Variants in NT5M observed in about 807,000 individuals in gnomAD.
The protein encoded by NT5M is 5'(3')-deoxyribonucleotidase, mitochondrial.
A neutral mutation model predicts 22.2 loss-of-function variants in NT5M; 22 were observed. That is an observed-to-expected ratio of 0.99 (90% CI 0.71 to 1.41). NT5M has a LOEUF of 1.41. Ranked by LOEUF, NT5M falls within the 40% of genes most tolerant of loss-of-function variation. NT5M has a pLI of 0.00. For missense variants in NT5M, 322 were observed against 314.8 expected, an observed-to-expected ratio of 1.02 and a Z score of -0.17; for synonymous variants, 167 against 133.0, an observed-to-expected ratio of 1.26 and a Z score of -1.76.
intron 2 of NT5M, among the ~76,000 whole-genome samples, chr17:17,313,002 G>A (rs976902647): frequency 3.3e-5 from 5 of 152,026 alleles, no homozygotes; most frequent in African/African-American, 9.7e-5. Context: ...CCGGGTGCTG[G>A]CTCACACCTG....
At chr17:17,310,058 T>C (rs2048892495) in intron 2 of NT5M, among the ~76,000 whole-genome samples, 1 of 152,026 alleles carries the variant, frequency 6.6e-6, no homozygotes, top group Non-Finnish European at 1.5e-5. Flanking sequence ...TCTCCTGACC[T>C]CGTGATCCAC....
In NT5M at chr17:17,344,856, C is replaced by T; in HGVS notation, c.492C>T (p.Asp164=). 1.2e-6 allele frequency: 2 copies of T among 1,614,230 alleles called. No individual in the cohort carries two copies. Among genetic ancestry groups the T allele is most frequent in the Non-Finnish European group, 1.7e-6 (2 of 1,180,024 alleles). ...TGGAGCAGATTGTGCTGACCAGAGA[C>T]AAGACCGTGGTCTCTGCTGACCTTC... ...DFLEQIVLTR[D]KTVVSADLLI... The change falls in exon 4 of 5, where the codon GAC becomes GAT. Residue 164 remains aspartate, a synonymous_variant. Coordinates refer to ENST00000389022, the MANE Select transcript of NT5M (RefSeq NM_020201.4).
intron 2 of NT5M, among the ~76,000 whole-genome samples, chr17:17,317,055 G>GTT (rs34446504): frequency 1.4e-3 from 188 of 132,110 alleles, no homozygotes; most frequent in East Asian, 3.2e-3. Context: ...TTTTGTTTTT[G>GTT]TTTTTTTTTT....
In NT5M at chr17:17,306,650, T is replaced by C. The variant is rs760041575; in HGVS notation, c.368+7T>C. ...AGATGGCCAGCCTACAAAAGTAAGT[T>C]TGTCCTCCCAGCCACTCAGTAAGTT... On this transcript the variant is annotated splice_region_variant and intron_variant, in intron 2 of 4. Transcript: ENST00000389022. 8.7e-6 allele frequency: 14 copies of C among 1,601,032 alleles called. No homozygotes were observed. In the Admixed American group the frequency reaches 2.2e-4, roughly 25 times the overall value.
At chr17:17,334,168 T>C (rs1005188376) in intron 3 of NT5M, among the ~76,000 whole-genome samples, 2 of 152,104 alleles carry the variant, frequency 1.3e-5, no homozygotes, top group African/African-American at 2.4e-5. Flanking sequence ...GGTTTCACCA[T>C]GTTGGCCAGG....
intron 2 of NT5M, among the ~76,000 whole-genome samples, chr17:17,315,343 T>G (rs2049001118): frequency 6.6e-6 from 1 of 152,022 alleles, no homozygotes; most frequent in Non-Finnish European, 1.5e-5. Flanking sequence ...ACACCTAAGG[T>G]CTCCAGTTTC....
chr17:17,344,145 A>C (rs17726858), intron 3 of NT5M, among the ~76,000 whole-genome samples: 1 of 151,926 alleles, frequency 6.6e-6, no homozygotes, highest in African/African-American at 2.4e-5. Flanking sequence ...CCAGTTTGCT[A>C]TCCATCGGCC....
chr17:17,316,633 C>T (rs1293719759), intron 2 of NT5M, among the ~76,000 whole-genome samples: 4 of 152,130 alleles, frequency 2.6e-5, no homozygotes, highest in Admixed American at 2.6e-4. Flanking sequence ...TCCTCGGCCT[C>T]CCGAAGTGCT....
chr17:17,347,254 A>AG lies in NT5M; in HGVS notation c.*312dup. 1 of 358,772 alleles carries AG rather than the reference A, an allele frequency of 2.8e-6. No homozygotes were observed. The highest frequency in any genetic ancestry group is 5.1e-6 in the Non-Finnish European group (1 of 197,898). 22.2% of individuals were successfully genotyped at this position (358,772 alleles called of 1,614,324 possible). ...CAGGGAGGAGTTGAGGCCACTGTTC[A>AG]GGGGGCTGGTGGCCGTCTCCACTCC... On this transcript the variant is annotated 3_prime_UTR_variant, in exon 5 of 5. Transcript: ENST00000389022.
In NT5M at chr17:17,339,302, G is replaced by A. The variant is rs559415876; in HGVS notation, c.430-5492G>A. Among the ~76,000 whole-genome samples, 3 of 151,354 alleles carry A rather than the reference G, an allele frequency of 2.0e-5. No homozygotes were observed. The South Asian group carries it at 6.3e-4, about 32-fold the overall frequency. On this transcript the variant is annotated intron_variant, in intron 3 of 4. Transcript: ENST00000389022. ...GATTGTTCCTGTTTTTTTCAGGATT[G>A]TTCCTGTTTTTTTCAGATTTTGTAT... is the stretch of plus-strand genomic sequence containing the variant.
intron 3 of NT5M, among the ~76,000 whole-genome samples, chr17:17,329,897 G>A (rs2049340736): frequency 2.6e-5 from 4 of 152,088 alleles, no homozygotes; most frequent in Non-Finnish European, 5.9e-5. Context: ...GCTTGAGCCT[G>A]GGAGGTCAAG....
intron 3 of NT5M, among the ~76,000 whole-genome samples, chr17:17,334,216 C>G (rs568831473): frequency 6.6e-6 from 1 of 152,116 alleles, no homozygotes; most frequent in Non-Finnish European, 1.5e-5. Context: ...ATCCACCTGT[C>G]TTGGCCTCCC....
intron 2 of NT5M, among the ~76,000 whole-genome samples, chr17:17,318,263 G>A (rs913131138): frequency 1.3e-5 from 2 of 151,942 alleles, no homozygotes; most frequent in African/African-American, 2.4e-5. Flanking sequence ...GATTGCCTGA[G>A]CTCAGGAGTT....
chr17:17,308,539 C>T (rs2048858882), intron 2 of NT5M, among the ~76,000 whole-genome samples: 1 of 152,046 alleles, frequency 6.6e-6, no homozygotes, highest in African/African-American at 2.4e-5. Context: ...TTGCAGTGAG[C>T]CAAGATTGCA....
chr17:17,329,039 G>C (rs1054981090), intron 3 of NT5M, among the ~76,000 whole-genome samples: 7 of 152,048 alleles, frequency 4.6e-5, no homozygotes, highest in Non-Finnish European at 1.0e-4. Context: ...GTGCAGTGGC[G>C]TGATCTTGGC....
At chr17:17,318,295 G>A (rs1378483009) in intron 2 of NT5M, among the ~76,000 whole-genome samples, 1 of 151,554 alleles carries the variant, frequency 6.6e-6, no homozygotes, top group Non-Finnish European at 1.5e-5. Context: ...AGTGCCACAC[G>A]GCGAAACCCC....
intron 1 of NT5M, 41 bp downstream of exon 1, chr17:17,303,858 G>C: frequency 7.5e-7 from 1 of 1,337,422 alleles, no homozygotes; most frequent in Non-Finnish European, 9.6e-7. Flanking sequence ...CCTCCTTCTC[G>C]CCCCGAGCCC....
chr17:17,342,003 C>G (rs2142379650), intron 3 of NT5M, among the ~76,000 whole-genome samples: 1 of 151,792 alleles, frequency 6.6e-6, no homozygotes, highest in East Asian at 1.9e-4. Context: ...TGCACTCCAG[C>G]CTGGGCGACA....
At chr17:17,330,297 C>CAA (rs549526002) in intron 3 of NT5M, among the ~76,000 whole-genome samples, 6 of 68,842 alleles carry the variant, frequency 8.7e-5, no homozygotes, top group African/African-American at 1.4e-4. Flanking sequence ...GACTCCGTCT[C>CAA]AAAAAAAAAA....
Sources: allele counts gnomAD v4.1 joint callset (sites outside exome capture counted in the v4.1 genomes callset), GRCh38; gene constraint gnomAD v4.1.1; transcripts MANE v1.5; gene names NCBI Gene and HGNC (gene_info 2026-07-23, HGNC 2026-07-21).